Variants in ENPP3 observed in about 807,000 individuals in gnomAD.
ENPP3 encodes the protein ectonucleotide pyrophosphatase/phosphodiesterase family member 3.
In ENPP3, 104 loss-of-function variants were observed where a neutral mutation model predicts 117.8. The ratio of observed to expected loss-of-function variants is 0.88; its 90% CI spans 0.75 to 1.04. The LOEUF (loss-of-function observed/expected upper bound fraction) is 1.04, where lower values mean the gene tolerates loss of function less well. ENPP3 is among the 50% of genes least tolerant of loss of function. ENPP3 has a pLI of 0.00. For missense variants in ENPP3, 1,026 were observed against 1,051.9 expected, an observed-to-expected ratio of 0.98 and a Z score of 0.34; for synonymous variants, 380 against 349.9, an observed-to-expected ratio of 1.09 and a Z score of -0.96.
chr6:131,691,119 A>G (rs80202279), intron 14 of ENPP3, among the ~76,000 whole-genome samples: 4,087 of 152,196 alleles, frequency 0.027, 170 homozygotes, highest in African/African-American at 0.092. Context: ...ACCATTTCAC[A>G]TAGTCCATCC....
intron 15 of ENPP3, among the ~76,000 whole-genome samples, chr6:131,706,652 A>G (rs1426012478): frequency 1.3e-5 from 2 of 149,446 alleles, no homozygotes; most frequent in Non-Finnish European, 2.9e-5. Flanking sequence ...TCATGAATGG[A>G]TATCGAAATG....
chr6:131,740,565 A>C (rs116305747), intron 24 of ENPP3, among the ~76,000 whole-genome samples, 185 bp downstream of exon 24: 181 of 152,324 alleles, frequency 1.2e-3, no homozygotes, highest in African/African-American at 4.1e-3. Flanking sequence ...ATATCAATTT[A>C]AACATATATC....
At chr6:131,727,436 TC>T (rs1457816891) in intron 20 of ENPP3, among the ~76,000 whole-genome samples, 1 of 150,606 alleles carries the variant, frequency 6.6e-6, no homozygotes, top group Non-Finnish European at 1.5e-5. Flanking sequence ...ATGCCTGCAA[TC>T]CCCGCTACTT....
intron 24 of ENPP3, among the ~76,000 whole-genome samples, chr6:131,740,670 C>A (rs1400478765): frequency 6.6e-6 from 1 of 151,982 alleles, no homozygotes; most frequent in East Asian, 1.9e-4. Flanking sequence ...TTGTTAATCT[C>A]TTTTTTCTTT....
chr6:131,704,514 AAGGATAAAG>A (rs1263109795), intron 15 of ENPP3, among the ~76,000 whole-genome samples: 1 of 151,076 alleles, frequency 6.6e-6, no homozygotes, highest in African/African-American at 2.4e-5. Flanking sequence ...CCCTTATGGG[AAGGATAAAG>A]CTCTGTAAAA....
chr6:131,689,628 T>C (rs1779234569), intron 14 of ENPP3, among the ~76,000 whole-genome samples: 1 of 152,234 alleles, frequency 6.6e-6, no homozygotes, highest in African/African-American at 2.4e-5. Flanking sequence ...GATATTTTCA[T>C]GTCTGCTAAC....
chr6:131,646,308 GT>G (rs1263377558), intron 2 of ENPP3, among the ~76,000 whole-genome samples: 18 of 148,406 alleles, frequency 1.2e-4, no homozygotes, highest in Admixed American at 6.8e-4. Context: ...GTGTGTGTGT[GT>G]TGTTATTTTA....
At chr6:131,651,023 G>T (rs1778251434) in intron 3 of ENPP3, among the ~76,000 whole-genome samples, 1 of 152,106 alleles carries the variant, frequency 6.6e-6, no homozygotes. Flanking sequence ...GGGTTCAAGC[G>T]ATTCTCCTGC....
In ENPP3 at chr6:131,747,020, T is replaced by C. The variant is rs1330325641; in HGVS notation, c.*64T>C. ...AGTAATTTTGGCAAAATATAAGTGA[T>C]TTTTTTCTGGAGAATTGTAAAATAA... On this transcript the variant is annotated 3_prime_UTR_variant, in exon 25 of 25. Transcript: ENST00000357639. The C allele has an allele frequency of 2.4e-6, 2 of 831,534 alleles. No homozygotes were observed. The highest frequency in any genetic ancestry group is 3.6e-5 in the African/African-American group (2 of 55,354). The allele number at this position is 831,534 out of a possible 1,614,324, so 51.5% of individuals were successfully genotyped here.
intron 15 of ENPP3, among the ~76,000 whole-genome samples, chr6:131,694,138 GA>G (rs1384473950): frequency 6.6e-6 from 1 of 152,166 alleles, no homozygotes. Context: ...TGTGCTTAGA[GA>G]AAACAGAAAC....
At chr6:131,716,416 T>C (rs1464255917) in intron 15 of ENPP3, among the ~76,000 whole-genome samples, 1 of 152,130 alleles carries the variant, frequency 6.6e-6, no homozygotes, top group African/African-American at 2.4e-5. Flanking sequence ...TACTATAGTT[T>C]TTAAATTGAG....
At position 131,671,283 on chromosome 6, in the gene ENPP3, A is replaced by G. The variant is rs765736602; in HGVS notation, c.598A>G (p.Met200Val). 1.2e-6 allele frequency: 2 copies of G among 1,607,376 alleles called. No homozygotes were observed. The highest frequency in any genetic ancestry group is 1.7e-6 in the Non-Finnish European group (2 of 1,173,838). Residue 200 changes from methionine to valine, a missense_variant, in exon 7 of 25, where the codon ATG (methionine) becomes GTG (valine). By Grantham distance (21) the Met-to-Val change is conservative. Coordinates refer to ENST00000357639, the MANE Select transcript of ENPP3 (RefSeq NM_005021.5). ...CGIHSKYMRAMYPTKTFPNHY... is the reference protein window; with the variant it reads ...CGIHSKYMRAVYPTKTFPNHY... ...AATTCATTCAAAATACATGAGAGCT[A>G]TGTATCCTACCAAAACCTTCCCAAA...
chr6:131,652,661 T>C lies in ENPP3; in HGVS notation c.397T>C (p.Cys133Arg). ...TTGCTGTGCTGACTATAAGAGTGTTTGCCAAGGTGAGCAGGAGGATGTTGA... is the reference window on the plus strand; with the variant it reads ...TTGCTGTGCTGACTATAAGAGTGTTCGCCAAGGTGAGCAGGAGGATGTTGA... ...KDCCADYKSV[C>R]QGETSWLEEN... The change falls in exon 4 of 25, where the codon TGC becomes CGC. Residue 133 changes from cysteine (C) to arginine (R), a missense_variant. Cys to Arg is a radical substitution (Grantham distance 180). Transcript: ENST00000357639. 6.2e-7 allele frequency: 1 copy of C among 1,614,020 alleles called. No homozygotes were observed. The highest frequency in any genetic ancestry group is 8.5e-7 in the Non-Finnish European group (1 of 1,179,956).
intron 20 of ENPP3, among the ~76,000 whole-genome samples, chr6:131,727,022 G>A (rs2114543818): frequency 6.6e-6 from 1 of 152,280 alleles, no homozygotes; most frequent in East Asian, 1.9e-4. Context: ...AAATTGATTA[G>A]ACTACATAAA....
chr6:131,662,815 A>G (rs1025917620), intron 6 of ENPP3, among the ~76,000 whole-genome samples: 1 of 152,192 alleles, frequency 6.6e-6, no homozygotes, highest in African/African-American at 2.4e-5. Flanking sequence ...CTTCCAGTCC[A>G]TGAACATGAG....
intron 22 of ENPP3, 33 bp from the exon 23 acceptor site, chr6:131,737,998 G>A: frequency 6.7e-7 from 1 of 1,493,458 alleles, no homozygotes; most frequent in East Asian, 2.3e-5. Flanking sequence ...CACTGAAGTG[G>A]ACATTTTAAA....
chr6:131,692,985 A>T (rs1177539484), intron 14 of ENPP3, among the ~76,000 whole-genome samples: 1 of 97,144 alleles, frequency 1.0e-5, no homozygotes, highest in Non-Finnish European at 1.9e-5. Context: ...ATATTATACA[A>T]CTATATATGA....
intron 15 of ENPP3, among the ~76,000 whole-genome samples, chr6:131,698,195 A>G (rs1366719879): frequency 6.6e-6 from 1 of 152,054 alleles, no homozygotes. Context: ...CAAGGGGCTT[A>G]TTAGAACCTA....
intron 16 of ENPP3, 87 bp from the exon 17 acceptor site, chr6:131,720,205 T>A (rs1358825683): frequency 1.6e-5 from 12 of 754,166 alleles, no homozygotes; most frequent in Non-Finnish European, 2.6e-5. Flanking sequence ...AGGAGAGTAG[T>A]TACAGAAGGA....
Sources: allele counts gnomAD v4.1 joint callset (sites outside exome capture counted in the v4.1 genomes callset), GRCh38; gene constraint gnomAD v4.1.1; transcripts MANE v1.5; gene names NCBI Gene and HGNC (gene_info 2026-07-23, HGNC 2026-07-21).